The following MYLK variants were observed in gnomAD, a reference collection of about 807,000 sequenced individuals.
MYLK encodes the protein myosin light chain kinase.
MYLK carries 106 observed loss-of-function variants against 203.4 expected under a neutral mutation model. The ratio of observed to expected loss-of-function variants is 0.52; its 90% CI spans 0.45 to 0.61. The LOEUF is 0.61. Ranked by LOEUF, MYLK falls within the 20% of genes least tolerant of loss-of-function variation. The pLI is 0.00. For missense variants in MYLK, 2,072 were observed against 2,442.3 expected (o/e 0.85, Z 3.20); for synonymous variants, 867 against 959.5 (o/e 0.90, Z 1.78).
At chr3:123,722,066 T>C (rs2062108760) in intron 13 of MYLK, 62 bp downstream of exon 13, 1 of 1,547,332 alleles carries the variant, frequency 6.5e-7, no homozygotes, top group African/African-American at 1.4e-5. Context: ...AATGTGCCCT[T>C]CCTCCAAAGC....
chr3:123,732,841 C>G, intron 11 of MYLK, 55 bp downstream of exon 11: 1 of 1,550,408 alleles, frequency 6.4e-7, no homozygotes, highest in Non-Finnish European at 8.9e-7. Context: ...GGTGAAGCAC[C>G]CCATGAATGG....
At chr3:123,870,826 A>G (rs566386028) in intron 2 of MYLK, among the ~76,000 whole-genome samples, 11 of 152,348 alleles carry the variant, frequency 7.2e-5, no homozygotes, top group South Asian at 6.2e-4. Flanking sequence ...AAAGTTGAAA[A>G]TATTTTCTAT....
At position 123,614,345 on chromosome 3, in the gene MYLK, G is replaced by A; in HGVS notation, c.5505C>T (p.Tyr1835=). The A allele has an allele frequency of 6.2e-7, 1 of 1,614,134 alleles. No homozygotes were observed. Among genetic ancestry groups the A allele is most frequent in the Non-Finnish European group, 8.5e-7 (1 of 1,180,030 alleles). Residue 1835 remains tyrosine (Y), a synonymous_variant, in exon 34 of 34, where the codon TAC becomes TAT. Coordinates refer to ENST00000360304, the MANE Select transcript of MYLK (RefSeq NM_053025.4). Reference sequence around the variant, plus strand: ...TGAACCAGACAACCTCGGGGTCTGGGTATCCTGCATCACAGGGAGAGAACA... The same window carrying A: ...TGAACCAGACAACCTCGGGGTCTGGATATCCTGCATCACAGGGAGAGAACA... ...AARFDCKIEG[Y]PDPEVVWFKD...
chr3:123,681,962 G>A (rs2060280571), intron 20 of MYLK: 4 of 530,970 alleles, frequency 7.5e-6, no homozygotes, highest in Non-Finnish European at 1.4e-5. Context: ...GGCAGGGGAG[G>A]TAGATAGGAG....
At position 123,737,532 on chromosome 3, in the gene MYLK, T is replaced by C; in HGVS notation, c.600A>G (p.Pro200=). Residue 200 remains proline, a synonymous_variant, in exon 8 of 34, where the codon CCA becomes CCG. Coordinates refer to ENST00000360304, the MANE Select transcript of MYLK (RefSeq NM_053025.4). ...PQVTWLKGNV[P]LQPSARVSVS... Reference sequence around the variant, plus strand: ...CAGACACACGGGCACTCGGCTGCAGTGGAACATTTCCCTGTGGATGGCAAT... The same window carrying C: ...CAGACACACGGGCACTCGGCTGCAGCGGAACATTTCCCTGTGGATGGCAAT... 2 of 1,614,158 alleles carry C rather than the reference T, an allele frequency of 1.2e-6. No individual in the cohort carries two copies. Among genetic ancestry groups the C allele is most frequent in the Non-Finnish European group, 1.7e-6 (2 of 1,180,040 alleles).
intron 5 of MYLK, among the ~76,000 whole-genome samples, chr3:123,741,357 C>T (rs746288699): frequency 2.6e-5 from 4 of 152,206 alleles, no homozygotes; most frequent in Non-Finnish European, 4.4e-5. Flanking sequence ...TTGGTGATTA[C>T]GATACAGGCA....
At chr3:123,830,341 G>A (rs1244335155) in intron 3 of MYLK, among the ~76,000 whole-genome samples, 2 of 152,176 alleles carry the variant, frequency 1.3e-5, no homozygotes, top group African/African-American at 4.8e-5. Flanking sequence ...GCAGGACACT[G>A]CTTTTCCCTT....
rs2032705782 is a variant in MYLK at position 123,870,523 on chromosome 3, A to G, written c.-127+6036T>C. Among the ~76,000 whole-genome samples, 2 of 152,264 alleles carry G rather than the reference A, an allele frequency of 1.3e-5. 1 individual carries two copies. The highest frequency in any genetic ancestry group is 1.3e-4 in the Admixed American group (2 of 15,294). ...GCTCAGTGACAATGCAAGCTGAGAA[A>G]CAAAGACAGGGCCAGCACAGACCAG... On this transcript the variant is annotated intron_variant, in intron 2 of 33. Transcript: ENST00000360304.
chr3:123,738,417 A>G (rs2062750737), intron 7 of MYLK, among the ~76,000 whole-genome samples: 1 of 152,138 alleles, frequency 6.6e-6, no homozygotes, highest in South Asian at 2.1e-4. Context: ...AACCCCTGAG[A>G]ACCGCCTGAA....
intron 18 of MYLK, 59 bp downstream of exon 18, chr3:123,699,961 G>A: frequency 6.2e-7 from 1 of 1,611,634 alleles, no homozygotes; most frequent in Non-Finnish European, 8.5e-7. Context: ...AACGCTCCAT[G>A]AGCTAGGAGT....
intron 33 of MYLK, chr3:123,618,430 A>C: frequency 1.7e-6 from 1 of 578,626 alleles, no homozygotes; most frequent in Non-Finnish European, 3.1e-6. Context: ...CCCCTGGGGA[A>C]GTGACTGAAG....
At chr3:123,706,783 G>A (rs2061477173) in intron 16 of MYLK, among the ~76,000 whole-genome samples, 2 of 141,760 alleles carry the variant, frequency 1.4e-5, no homozygotes. Flanking sequence ...AAATGTAGCA[G>A]TGTGCCTCAT....
chr3:123,667,773 C>T (rs1275028673), intron 20 of MYLK, among the ~76,000 whole-genome samples: 1 of 152,126 alleles, frequency 6.6e-6, no homozygotes. Context: ...TGCTCGTGCT[C>T]CCATAGCCCT....
At chr3:123,691,418 C>A (rs1398713126) in intron 19 of MYLK, 2 of 152,170 alleles carry the variant, frequency 1.3e-5, no homozygotes, top group Non-Finnish European at 2.9e-5. Flanking sequence ...AGACTCAGAG[C>A]CCCTATAGCA....
In MYLK at chr3:123,666,243, A is replaced by G; in HGVS notation, c.3807T>C (p.Cys1269=). 2 of 1,614,220 alleles carry G rather than the reference A, an allele frequency of 1.2e-6. No individual in the cohort carries two copies. The highest frequency in any genetic ancestry group is 3.3e-4 in the Middle Eastern group (2 of 6,062). Reference sequence around the variant, plus strand: ...CCTGCTTTCGGAACTTCATCCAGGTACAGGTGATGGGCTGAGTGCCTGTCA... The same window carrying G: ...CCTGCTTTCGGAACTTCATCCAGGTGCAGGTGATGGGCTGAGTGCCTGTCA... The part of the protein sequence containing the change: ...GKVTGTQPIT[C]TWMKFRKQIQ... Residue 1269 remains cysteine (C), a synonymous_variant, in exon 22 of 34, where the codon TGT becomes TGC. Coordinates refer to ENST00000360304, the MANE Select transcript of MYLK (RefSeq NM_053025.4).
chr3:123,650,857 G>A lies in MYLK; in HGVS notation c.4289-1663C>T, dbSNP rs140368437. ...TCTGATCATTCTACCTTTTAGGGTGGTGAACCCTAAAGTCCATAGTTAATA... is the reference window on the plus strand; with the variant it reads ...TCTGATCATTCTACCTTTTAGGGTGATGAACCCTAAAGTCCATAGTTAATA... On this transcript the variant is annotated intron_variant, in intron 24 of 33. Coordinates refer to ENST00000360304, the MANE Select transcript of MYLK (RefSeq NM_053025.4). 5.0e-3 allele frequency among the ~76,000 whole-genome samples: 756 copies of A among 152,324 alleles called. 3 individuals are homozygous for A. Among genetic ancestry groups the A allele is most frequent in the African/African-American group, 0.018 (740 of 41,560 alleles).
intron 4 of MYLK, among the ~76,000 whole-genome samples, chr3:123,780,020 A>G (rs1197055493): frequency 1.3e-5 from 2 of 152,204 alleles, no homozygotes; most frequent in Non-Finnish European, 2.9e-5. Context: ...GCATACCATT[A>G]GTGTTTACTG....
At chr3:123,788,116 A>T (rs2064613015) in intron 4 of MYLK, among the ~76,000 whole-genome samples, 1 of 152,196 alleles carries the variant, frequency 6.6e-6, no homozygotes, top group Admixed American at 6.5e-5. Flanking sequence ...TGGTAGGAAG[A>T]TCACTTAAGT....
intron 20 of MYLK, among the ~76,000 whole-genome samples, chr3:123,669,737 A>C (rs2059850738): frequency 6.6e-6 from 1 of 152,086 alleles, no homozygotes; most frequent in Admixed American, 6.5e-5. Flanking sequence ...GAGAGAAAGA[A>C]TATATGAAAA....
Sources: gnomAD v4.1 joint callset for allele counts (sites outside exome capture counted in the v4.1 genomes callset) on GRCh38, gnomAD v4.1.1 for gene constraint, MANE v1.5 for transcripts, NCBI Gene and HGNC (gene_info 2026-07-23, HGNC 2026-07-21) for gene names.